ODR4: variants seen among roughly 807,000 people sequenced by gnomAD.
ODR4 encodes the protein odr-4 GPCR localization factor homolog.
ODR4 carries 47 observed loss-of-function variants against 60.2 expected under a neutral mutation model. The observed-to-expected ratio is 0.78, with a 90% CI of 0.62 to 1.00. The LOEUF is 1.00. ODR4 is among the 50% of genes least tolerant of loss of function. ODR4 has a pLI of 0.00. For synonymous variants in ODR4, 178 were observed against 175.5 expected (o/e 1.01, Z -0.11); for missense variants, 488 against 530.8 (o/e 0.92, Z 0.79).
intron 12 of ODR4, among the ~76,000 whole-genome samples, chr1:186,410,735 G>A (rs1661349137): frequency 6.6e-6 from 1 of 152,152 alleles, no homozygotes; most frequent in African/African-American, 2.4e-5. Flanking sequence ...ATTTTAGTGG[G>A]CTGGGTGCGG....
In ODR4 at chr1:186,420,458, GAAAC is replaced by G. The variant is rs957734533; in HGVS notation, c.*1387_*1390del. ...TGACTAGAGATCACAGGCACAAGTT[GAAAC>G]AAACTAACATGACAAGAAAGCTATA... On this transcript the variant is annotated 3_prime_UTR_variant, in exon 14 of 14. Transcript: ENST00000287859. The G allele has an allele frequency of 2.0e-5, 3 of 152,200 alleles. No individual in the cohort carries two copies. In the East Asian group the frequency reaches 5.8e-4, roughly 29 times the overall value. The allele number at this position is 152,200 out of a possible 1,614,324, so 9.4% of individuals were successfully genotyped here.
chr1:186,377,113 T>C (rs1464874382), intron 1 of ODR4, among the ~76,000 whole-genome samples: 1 of 152,234 alleles, frequency 6.6e-6, no homozygotes, highest in East Asian at 1.9e-4. Flanking sequence ...CATTTGCATA[T>C]CTTAAATCAT....
intron 12 of ODR4, among the ~76,000 whole-genome samples, chr1:186,409,471 ATTTAT>A (rs1313103799): frequency 6.6e-6 from 1 of 152,208 alleles, no homozygotes; most frequent in African/African-American, 2.4e-5. Flanking sequence ...TGAATAAATT[ATTTAT>A]TTTGTCCTAT....
At position 186,389,583 on chromosome 1, in the gene ODR4, T is replaced by G. The variant is rs905146294; in HGVS notation, c.438-5T>G. On this transcript the variant is annotated splice_polypyrimidine_tract_variant and splice_region_variant and intron_variant, in intron 5 of 13. Transcript: ENST00000287859. ...TTTGGTTATTTCTGTCCTTAATTAG[T>G]GAAGAATATTTTGTCGAACTTATGA... 1 of 1,537,094 alleles carries G rather than the reference T, an allele frequency of 6.5e-7. No individual in the cohort carries two copies. The highest frequency in any genetic ancestry group is 8.9e-7 in the Non-Finnish European group (1 of 1,129,476).
At chr1:186,431,579 A>G in the ODR4 span, among the ~76,000 whole-genome samples, 1 of 152,206 alleles carries the variant, frequency 6.6e-6, no homozygotes, top group Non-Finnish European at 1.5e-5. Context: ...GATGGAAAAA[A>G]AGTGATACAT....
chr1:186,423,184 T>C (rs1661823835), downstream of ODR4, among the ~76,000 whole-genome samples: 1 of 152,160 alleles, frequency 6.6e-6, no homozygotes, highest in South Asian at 2.1e-4. Context: ...GGTAAAATTC[T>C]AACATTTTAT....
chr1:186,383,394 T>C (rs554488743), intron 3 of ODR4, among the ~76,000 whole-genome samples: 1 of 152,200 alleles, frequency 6.6e-6, no homozygotes, highest in South Asian at 2.1e-4. Context: ...ATTTATTGAA[T>C]GAATTATATA....
chr1:186,402,523 C>G (rs564742719), intron 11 of ODR4, among the ~76,000 whole-genome samples: 6 of 151,816 alleles, frequency 4.0e-5, no homozygotes, highest in African/African-American at 1.4e-4. Context: ...CCTCAGCCTC[C>G]TGAGTAGCTG....
chr1:186,408,123 A>G (rs1002283020), intron 12 of ODR4, among the ~76,000 whole-genome samples: 4 of 152,152 alleles, frequency 2.6e-5, no homozygotes, highest in African/African-American at 9.7e-5. Flanking sequence ...CTGTGATGTA[A>G]ATAACATTAT....
At chr1:186,413,417 T>G (rs1661444809) in intron 12 of ODR4, among the ~76,000 whole-genome samples, 1 of 152,166 alleles carries the variant, frequency 6.6e-6, no homozygotes. Context: ...GTAAGTATCT[T>G]AAAATAACAT....
At chr1:186,399,851 G>A (rs1056037295) in intron 11 of ODR4, among the ~76,000 whole-genome samples, 6 of 151,932 alleles carry the variant, frequency 3.9e-5, no homozygotes, top group Non-Finnish European at 8.8e-5. Flanking sequence ...CATTAATAAC[G>A]ATTGCAGCTT....
chr1:186,384,572 G>GACACACACACACACACAC (rs368870659), intron 3 of ODR4, among the ~76,000 whole-genome samples: 2,970 of 129,522 alleles, frequency 0.023, 106 homozygotes, highest in African/African-American at 0.075. Flanking sequence ...AATTGTATAT[G>GACACACACACACACACAC]ACACACACAC....
chr1:186,418,674 C>T (rs1037466691), intron 13 of ODR4, among the ~76,000 whole-genome samples: 2 of 152,144 alleles, frequency 1.3e-5, no homozygotes, highest in African/African-American at 4.8e-5. Context: ...TTCTTTTAAC[C>T]TACGTAGCAT....
intron 2 of ODR4, among the ~76,000 whole-genome samples, chr1:186,381,440 G>A (rs1337547736): frequency 1.3e-5 from 2 of 151,784 alleles, no homozygotes; most frequent in Non-Finnish European, 2.9e-5. Context: ...CCATTCTCCT[G>A]CCTCAGCCTC....
intron 13 of ODR4, among the ~76,000 whole-genome samples, chr1:186,418,616 G>A (rs899682879): frequency 6.6e-6 from 1 of 152,152 alleles, no homozygotes; most frequent in African/African-American, 2.4e-5. Flanking sequence ...TACACAGGTG[G>A]CTTTATATTA....
chr1:186,422,070 A>AT (rs1472390339), downstream of ODR4, among the ~76,000 whole-genome samples: 3 of 152,164 alleles, frequency 2.0e-5, no homozygotes, highest in South Asian at 2.1e-4. Context: ...CATTGGTCAG[A>AT]TTTTTTTAAA....
In ODR4 at chr1:186,419,284, A is replaced by G. The variant is rs1661696827; in HGVS notation, c.*208A>G. 5 of 564,626 alleles carry G rather than the reference A, an allele frequency of 8.9e-6. No individual in the cohort carries two copies. The highest frequency in any genetic ancestry group is 3.1e-5 in the Admixed American group (1 of 32,262). 35.0% of individuals were successfully genotyped at this position (564,626 alleles called of 1,614,324 possible). On this transcript the variant is annotated 3_prime_UTR_variant, in exon 14 of 14. Coordinates refer to ENST00000287859, the MANE Select transcript of ODR4 (RefSeq NM_017847.6). ...TTGTAGGTGGCCCGCATTTCCAGAA[A>G]TAACGTTATGCATCTAGATGGAAGC...
chr1:186,400,998 C>T, intron 11 of ODR4: 1 of 1,546,624 alleles, frequency 6.5e-7, no homozygotes, highest in Non-Finnish European at 8.8e-7. Context: ...AGGTTCTGAG[C>T]AACAGTGTAT....
intron 3 of ODR4, among the ~76,000 whole-genome samples, chr1:186,383,721 ATG>A (rs1460966982): frequency 1.3e-5 from 2 of 149,872 alleles, no homozygotes; most frequent in Non-Finnish European, 3.0e-5. Context: ...GTGTCTGTGT[ATG>A]TGTTTGATTA....
Sources: gnomAD v4.1 joint callset for allele counts (sites outside exome capture counted in the v4.1 genomes callset) on GRCh38, gnomAD v4.1.1 for gene constraint, MANE v1.5 for transcripts, NCBI Gene and HGNC (gene_info 2026-07-23, HGNC 2026-07-21) for gene names.